The following ZNF723 variants were observed in gnomAD, a reference collection of about 807,000 sequenced individuals.
The protein encoded by ZNF723 is zinc finger protein 723, pseudogene.
Under a neutral mutation model 9.4 loss-of-function variants are expected in ZNF723, and 5 were observed. The observed-to-expected ratio is 0.53, with a 90% confidence interval of 0.28 to 1.12. ZNF723 has a LOEUF of 1.12. ZNF723 is among the 50% of genes most tolerant of loss of function. The pLI is 0.10. For missense variants in ZNF723, 450 were observed against 501.5 expected (o/e 0.90, Z 0.98); for synonymous variants, 158 against 168.8 (o/e 0.94, Z 0.49).
intron 1 of ZNF723, among the ~76,000 whole-genome samples, chr19:22,847,550 C>T (rs1967330600): frequency 6.6e-6 from 1 of 151,790 alleles, no homozygotes; most frequent in South Asian, 2.1e-4. Flanking sequence ...ATCTCCATTA[C>T]AAGATCTCCA....
chr19:22,824,547 G>C, the ZNF723 span, among the ~76,000 whole-genome samples: 1 of 151,980 alleles, frequency 6.6e-6, no homozygotes, highest in Non-Finnish European at 1.5e-5. Context: ...AACAGGTAAA[G>C]TCTTCGTCTG....
upstream of ZNF723, among the ~76,000 whole-genome samples, chr19:22,830,422 C>A (rs993114647): frequency 6.6e-6 from 1 of 152,156 alleles, no homozygotes; most frequent in Non-Finnish European, 1.5e-5. Flanking sequence ...TTCAACTCAG[C>A]CTCCCAAAGT....
chr19:22,851,978 G>A (rs1166610431), intron 3 of ZNF723, among the ~76,000 whole-genome samples: 1 of 151,972 alleles, frequency 6.6e-6, no homozygotes, highest in Non-Finnish European at 1.5e-5. Flanking sequence ...TAGTAGAGAC[G>A]GGGTTTCTGC....
At chr19:22,825,123 T>A in the ZNF723 span, among the ~76,000 whole-genome samples, 6 of 152,186 alleles carry the variant, frequency 3.9e-5, no homozygotes, top group Non-Finnish European at 8.8e-5. Flanking sequence ...AGGTTCTGAA[T>A]CTGACACTAA....
At chr19:22,822,631 G>T in the ZNF723 span, among the ~76,000 whole-genome samples, 37 of 152,268 alleles carry the variant, frequency 2.4e-4, 1 homozygote, top group South Asian at 7.3e-3. Context: ...GGGAGGCCGA[G>T]GCAGGCGGAT....
upstream of ZNF723, among the ~76,000 whole-genome samples, chr19:22,828,654 A>AAAAAC (rs1277240805): frequency 6.6e-6 from 1 of 151,878 alleles, no homozygotes; most frequent in Non-Finnish European, 1.5e-5. Flanking sequence ...TCCCTCTCAA[A>AAAAAC]AAAACAAAAC....
At chr19:22,852,199 A>G (rs1967407479) in intron 3 of ZNF723, among the ~76,000 whole-genome samples, 1 of 152,142 alleles carries the variant, frequency 6.6e-6, no homozygotes, top group Non-Finnish European at 1.5e-5. Context: ...TCTTTCATAA[A>G]TATATTGATC....
At chr19:22,847,731 A>G (rs979368136) in intron 1 of ZNF723, among the ~76,000 whole-genome samples, 1 of 152,202 alleles carries the variant, frequency 6.6e-6, no homozygotes, top group Non-Finnish European at 1.5e-5. Flanking sequence ...AGTATCATAT[A>G]TACACTGATG....
At chr19:22,842,326 T>A (rs985381243) in intron 1 of ZNF723, among the ~76,000 whole-genome samples, 2 of 152,174 alleles carry the variant, frequency 1.3e-5, no homozygotes, top group Non-Finnish European at 2.9e-5. Context: ...GAGTTTTTTT[T>A]AATCTCTTAA....
chr19:22,816,654 A>AGT, the ZNF723 span, among the ~76,000 whole-genome samples: 1 of 152,224 alleles, frequency 6.6e-6, no homozygotes, highest in African/African-American at 2.4e-5. Flanking sequence ...CAGATTGGAT[A>AGT]GTGACATCTT....
intron 3 of ZNF723, among the ~76,000 whole-genome samples, chr19:22,850,576 G>T (rs1012939117): frequency 2.6e-5 from 4 of 150,996 alleles, no homozygotes; most frequent in African/African-American, 7.3e-5. Flanking sequence ...TTGGCTCACT[G>T]CAACCTCCGC....
chr19:22,846,813 C>CTTTTTTTTTTTTTTTT, intron 1 of ZNF723, among the ~76,000 whole-genome samples: 1 of 69,112 alleles, frequency 1.4e-5, no homozygotes, highest in Non-Finnish European at 2.7e-5. Flanking sequence ...CTATAATTTC[C>CTTTTTTTTTTTTTTTT]TTTTTTTTTT....
intron 1 of ZNF723, among the ~76,000 whole-genome samples, chr19:22,835,185 C>A (rs753761365): frequency 6.6e-6 from 1 of 150,994 alleles, no homozygotes. Flanking sequence ...GGATTACAGG[C>A]GCCTGCCACC....
chr19:22,849,446 G>A (rs1440921586), intron 3 of ZNF723, among the ~76,000 whole-genome samples, 153 bp downstream of exon 3: 4 of 152,160 alleles, frequency 2.6e-5, no homozygotes, highest in Admixed American at 2.6e-4. Context: ...TCTCACATAG[G>A]GGCATCTTCT....
At chr19:22,813,067 G>A in the ZNF723 span, among the ~76,000 whole-genome samples, 1 of 152,182 alleles carries the variant, frequency 6.6e-6, no homozygotes, top group South Asian at 2.1e-4. Context: ...TCCACCTCCT[G>A]GGTTCAAGCG....
At chr19:22,828,440 G>A (rs1967060177), upstream of ZNF723, among the ~76,000 whole-genome samples, 1 of 152,094 alleles carries the variant, frequency 6.6e-6, no homozygotes, top group Non-Finnish European at 1.5e-5. Context: ...AGATCACAAG[G>A]TCAGGAGATG....
At chr19:22,823,125 G>GGACGAT in the ZNF723 span, among the ~76,000 whole-genome samples, 1 of 152,144 alleles carries the variant, frequency 6.6e-6, no homozygotes, top group African/African-American at 2.4e-5. Context: ...CCTGGGCTTA[G>GGACGAT]GACAATGGGT....
At position 22,849,250 on chromosome 19, in the gene ZNF723, G is replaced by A. The variant is rs73924714; in HGVS notation, c.183G>A (p.Glu61=). The part of the protein sequence containing the change: ...DLITCLEQGK[E]PWNMKRHKMV... ...TCACCTGTCTGGAGCAAGGAAAAGA[G>A]CCCTGGAATATGAAGAGACACAAGA... The change falls in exon 3 of 4, where the codon GAG becomes GAA. Residue 61 remains glutamate (E), a synonymous_variant. Transcript: ENST00000600766. 4.8e-6 allele frequency: 3 copies of A among 624,314 alleles called. No individual in the cohort carries two copies. The highest frequency in any genetic ancestry group is 8.8e-6 in the Non-Finnish European group (3 of 342,196). The allele number at this position is 624,314 out of a possible 1,614,324, so 38.7% of individuals were successfully genotyped here.
upstream of ZNF723, among the ~76,000 whole-genome samples, chr19:22,832,102 C>T (rs1967104763): frequency 6.6e-6 from 1 of 152,202 alleles, no homozygotes; most frequent in Admixed American, 6.5e-5. Context: ...GGAAGCCCTG[C>T]CTGAAAACGC....
Sources: gnomAD v4.1 joint callset for allele counts (sites outside exome capture counted in the v4.1 genomes callset) on GRCh38, gnomAD v4.1.1 for gene constraint, MANE v1.5 for transcripts, NCBI Gene and HGNC (gene_info 2026-07-23, HGNC 2026-07-21) for gene names.